Variants in OTUD7A observed in about 807,000 individuals in gnomAD.
The protein encoded by OTUD7A is OTU domain-containing protein 7A.
Under a neutral mutation model 65.7 loss-of-function variants are expected in OTUD7A, and 12 were observed. The observed-to-expected ratio is 0.18, with a 90% CI of 0.12 to 0.30. OTUD7A has a LOEUF of 0.30. OTUD7A is among the 10% of genes least tolerant of loss of function. The probability of loss-of-function intolerance (pLI) is 1.00; values close to 1 mark genes in which losing one functional copy is unlikely to be tolerated. For synonymous variants in OTUD7A, 641 were observed against 586.3 expected, an observed-to-expected ratio of 1.09 and a Z score of -1.35; for missense variants, 1,148 against 1,304.8, an observed-to-expected ratio of 0.88 and a Z score of 1.85.
intron 3 of OTUD7A, among the ~76,000 whole-genome samples, chr15:31,619,787 A>C (rs1890717770): frequency 6.6e-6 from 1 of 152,222 alleles, no homozygotes; most frequent in African/African-American, 2.4e-5. Flanking sequence ...TGCCCTGGCC[A>C]GAACTTCCAA....
intron 5 of OTUD7A, among the ~76,000 whole-genome samples, chr15:31,539,342 T>C (rs1233545319): frequency 6.6e-6 from 1 of 151,826 alleles, no homozygotes; most frequent in African/African-American, 2.4e-5. Flanking sequence ...CAGCCTTTAT[T>C]ACAGATATAA....
intron 1 of OTUD7A, among the ~76,000 whole-genome samples, chr15:31,800,937 A>C (rs1896105393): frequency 6.6e-6 from 1 of 152,052 alleles, no homozygotes; most frequent in African/African-American, 2.4e-5. Flanking sequence ...CATGGGTCTC[A>C]GAGGCATGCT....
At chr15:31,736,831 G>T (rs1055710839) in intron 1 of OTUD7A, among the ~76,000 whole-genome samples, 1 of 150,876 alleles carries the variant, frequency 6.6e-6, no homozygotes, top group Middle Eastern at 3.4e-3. Flanking sequence ...CTTTTTTTTG[G>T]GGGGGCGGGG....
At chr15:31,865,132 G>A (rs2141021164) in intron 1 of OTUD7A, among the ~76,000 whole-genome samples, 1 of 152,324 alleles carries the variant, frequency 6.6e-6, no homozygotes, top group East Asian at 1.9e-4. Context: ...TCTTTCAAGA[G>A]ATGGTATATT....
chr15:31,802,129 G>GTATATATA (rs1228096344), intron 1 of OTUD7A, among the ~76,000 whole-genome samples: 1 of 135,476 alleles, frequency 7.4e-6, no homozygotes, highest in African/African-American at 2.7e-5. Context: ...GTGTGTGTGT[G>GTATATATA]TGTGTGTGTG....
At chr15:31,823,770 T>A (rs1378716252) in intron 1 of OTUD7A, among the ~76,000 whole-genome samples, 1 of 152,146 alleles carries the variant, frequency 6.6e-6, no homozygotes, top group Non-Finnish European at 1.5e-5. Context: ...CGCCAGAATA[T>A]CAAACTAGAA....
chr15:31,843,076 C>G (rs1017518999), intron 1 of OTUD7A, among the ~76,000 whole-genome samples: 3 of 152,058 alleles, frequency 2.0e-5, no homozygotes, highest in African/African-American at 7.2e-5. Context: ...AGAAGGAGGA[C>G]AGCCAGGCCT....
intron 5 of OTUD7A, among the ~76,000 whole-genome samples, chr15:31,531,670 C>T (rs1287570954): frequency 6.6e-6 from 1 of 152,120 alleles, no homozygotes; most frequent in Non-Finnish European, 1.5e-5. Context: ...TATAACCCGA[C>T]CACCACCCCT....
intron 3 of OTUD7A, among the ~76,000 whole-genome samples, chr15:31,593,524 G>A (rs1212648029): frequency 6.6e-6 from 1 of 152,100 alleles, no homozygotes; most frequent in Admixed American, 6.5e-5. Flanking sequence ...AAAACAACTG[G>A]ATATGTAAAA....
chr15:31,799,500 A>G (rs1355720485), intron 1 of OTUD7A, among the ~76,000 whole-genome samples: 6 of 152,066 alleles, frequency 3.9e-5, no homozygotes, highest in Non-Finnish European at 7.4e-5. Context: ...GGCCCCCATG[A>G]TAGGATTAGT....
chr15:31,481,203 A>G lies in OTUD7A; in HGVS notation c.*2091T>C, dbSNP rs2041113025. ...AAAAAAACAAGCAAGAATTGACTTT[A>G]TGCCTCCTTGACATCTTGTGCATAT... On this transcript the variant is annotated 3_prime_UTR_variant, in exon 13 of 13. Coordinates refer to ENST00000307050, the MANE Select transcript of OTUD7A (RefSeq NM_001382637.1). 1 of 152,228 alleles carries G rather than the reference A, an allele frequency of 6.6e-6. No individual in the cohort carries two copies. Among genetic ancestry groups the G allele is most frequent in the Non-Finnish European group, 1.5e-5 (1 of 68,036 alleles). The allele number at this position is 152,228 out of a possible 1,614,324, so 9.4% of individuals were successfully genotyped here.
chr15:31,609,711 C>A (rs1438073622), intron 3 of OTUD7A, among the ~76,000 whole-genome samples: 1 of 152,192 alleles, frequency 6.6e-6, no homozygotes, highest in Admixed American at 6.5e-5. Flanking sequence ...CCTCTCCATA[C>A]TAGCACAGCT....
intron 3 of OTUD7A, among the ~76,000 whole-genome samples, chr15:31,623,060 C>T (rs1393089872): frequency 6.6e-6 from 1 of 152,218 alleles, no homozygotes; most frequent in Non-Finnish European, 1.5e-5. Context: ...GTATCAGCAG[C>T]AGAGGCTGCA....
chr15:31,851,952 A>G (rs1341359158), intron 1 of OTUD7A, among the ~76,000 whole-genome samples: 1 of 152,074 alleles, frequency 6.6e-6, no homozygotes, highest in African/African-American at 2.4e-5. Flanking sequence ...TCCGCCTCCT[A>G]GGTTCAAGAG....
At position 31,620,876 on chromosome 15, in the gene OTUD7A, T is replaced by A. The variant is rs560462634; in HGVS notation, c.151+34220A>T. ...GTGACGTTAGGGTGTCGATTTTGGATCTTTCCTGCTTTCTCTTGTGGGCAT... is the reference window on the plus strand; with the variant it reads ...GTGACGTTAGGGTGTCGATTTTGGAACTTTCCTGCTTTCTCTTGTGGGCAT... On this transcript the variant is annotated intron_variant, in intron 3 of 12. Transcript: ENST00000307050. Among the ~76,000 whole-genome samples the A allele has an allele frequency of 2.4e-3, 267 of 109,354 alleles. 29 individuals are homozygous for A. Among genetic ancestry groups the A allele is most frequent in the Non-Finnish European group, 4.1e-3 (241 of 58,756 alleles). The allele number at this position is 109,354 out of a possible 152,430, so 71.7% of individuals were successfully genotyped here.
intron 1 of OTUD7A, among the ~76,000 whole-genome samples, chr15:31,792,377 C>T (rs988623213): frequency 6.6e-6 from 1 of 152,088 alleles, no homozygotes; most frequent in African/African-American, 2.4e-5. Context: ...GGGCCAAAAC[C>T]CATACTCCAT....
chr15:31,529,436 C>T (rs1420045785), intron 6 of OTUD7A, among the ~76,000 whole-genome samples: 1 of 152,164 alleles, frequency 6.6e-6, no homozygotes, highest in Non-Finnish European at 1.5e-5. Context: ...AGACAAAAGA[C>T]CGGAAGATGA....
At chr15:31,723,342 C>T (rs1289698386) in intron 1 of OTUD7A, among the ~76,000 whole-genome samples, 1 of 151,460 alleles carries the variant, frequency 6.6e-6, no homozygotes, top group African/African-American at 2.4e-5. Flanking sequence ...ATTGCCCTGC[C>T]GCCTTCTGAA....
chr15:31,804,673 T>C (rs1316049624), intron 1 of OTUD7A, among the ~76,000 whole-genome samples: 1 of 152,158 alleles, frequency 6.6e-6, no homozygotes, highest in Non-Finnish European at 1.5e-5. Context: ...ATCCCAGCCA[T>C]GCTAGATGGA....
Sources: gnomAD v4.1 joint callset for allele counts (sites outside exome capture counted in the v4.1 genomes callset) on GRCh38, gnomAD v4.1.1 for gene constraint, MANE v1.5 for transcripts, NCBI Gene and HGNC (gene_info 2026-07-23, HGNC 2026-07-21) for gene names.